Variants in DHX15 observed in about 807,000 individuals in gnomAD.
DHX15 encodes ATP-dependent RNA helicase DHX15.
A neutral mutation model predicts 94.4 loss-of-function variants in DHX15; 11 were observed. The ratio of observed to expected loss-of-function variants is 0.12; its 90% CI spans 0.07 to 0.19. The LOEUF (loss-of-function observed/expected upper bound fraction) is 0.19, where lower values mean the gene tolerates loss of function less well. Among genes scored for constraint, DHX15 ranks in the 10% least tolerant of loss-of-function variants. The pLI is 1.00. For synonymous variants in DHX15, 338 were observed against 329.9 expected (o/e 1.02, Z -0.27); for missense variants, 304 against 988.5 (o/e 0.31, Z 9.29).
chr4:24,580,188 A>G lies in DHX15; in HGVS notation c.72-3510T>C, dbSNP rs565992143. The stretch of plus-strand genomic sequence containing the variant: ...TTTGGGAGGCCCAAGTGGGAGGATC[A>G]CCAGAGGCCAAAAGTTTGAGACCAG... On this transcript the variant is annotated intron_variant, in intron 1 of 13. Transcript: ENST00000336812. Among the ~76,000 whole-genome samples the G allele has an allele frequency of 2.6e-5, 4 of 152,326 alleles. No individual in the cohort carries two copies. The South Asian group carries it at 8.3e-4, about 32-fold the overall frequency.
Position 24,553,940 on chromosome 4 carries a change from C to T in DHX15, c.1080+785G>A, listed in dbSNP as rs184677064. Among the ~76,000 whole-genome samples the T allele has an allele frequency of 7.9e-5, 12 of 152,256 alleles. No individual in the cohort carries two copies. The East Asian group carries it at 9.7e-4, about 12-fold the overall frequency. On this transcript the variant is annotated intron_variant, in intron 5 of 13. Coordinates refer to ENST00000336812, the MANE Select transcript of DHX15 (RefSeq NM_001358.3). ...GAAGCTTAGAAACGCTACATCTGGC[C>T]GGGTGCGATGGCTCACGCCTGTAAT...
rs756504540 is a variant in DHX15, at chr4:24,576,476, T to G, written c.274A>C (p.Thr92Pro). ...GAATGAGCAGAATGTGTTGAATGCGTTGAATGTGCTGAGTGGGTTGAGTGA... is the reference window on the plus strand; with the variant it reads ...GAATGAGCAGAATGTGTTGAATGCGGTGAATGTGCTGAGTGGGTTGAGTGA... ...SAHSTHSAHSTHSTHSAHSTH... is the reference protein window; with the variant it reads ...SAHSTHSAHSPHSTHSAHSTH... Residue 92 changes from threonine (T) to proline (P), a missense_variant, in exon 2 of 14, where the codon ACG (threonine) becomes CCG (proline). Transcript: ENST00000336812. 6.2e-7 allele frequency: 1 copy of G among 1,614,198 alleles called. No homozygotes were observed. Among genetic ancestry groups the G allele is most frequent in the Non-Finnish European group, 8.5e-7 (1 of 1,180,026 alleles).
chr4:24,533,255 C>T (rs1218217491), intron 11 of DHX15: 1 of 584,682 alleles, frequency 1.7e-6, no homozygotes, highest in Non-Finnish European at 3.0e-6. Flanking sequence ...GAAACAGTAA[C>T]AAGGCTTTTG....
rs1721131238 is a variant in DHX15, at chr4:24,533,437, A to G, written c.1910-383T>C. On this transcript the variant is annotated intron_variant, in intron 11 of 13. Transcript: ENST00000336812. ...TTCAATGAAACTACAGCTTTAGATT[A>G]AGATAACTGCAAACAATTGTTGTGT... 1.2e-5 allele frequency: 3 copies of G among 254,550 alleles called. No homozygotes were observed. The South Asian group carries it at 1.6e-4, about 14-fold the overall frequency. The allele number at this position is 254,550 out of a possible 1,614,324, so 15.8% of individuals were successfully genotyped here.
chr4:24,576,092 TGAA>T lies in DHX15; in HGVS notation c.507+148_507+150del. The T allele has an allele frequency of 2.5e-5, 16 of 652,152 alleles. No homozygotes were observed. The South Asian group carries it at 3.2e-4, about 13-fold the overall frequency. 40.4% of individuals were successfully genotyped at this position (652,152 alleles called of 1,614,324 possible). A position where few individuals can be genotyped will look rare whatever the true frequency, so the allele number is the denominator to read the frequency against. ...GGTATTCTCTATAGGATTTCCACTC[TGAA>T]ATTCAGAGTGCCAATTAAACATCAA... On this transcript the variant is annotated intron_variant, in intron 2 of 13. Coordinates refer to ENST00000336812, the MANE Select transcript of DHX15 (RefSeq NM_001358.3).
intron 3 of DHX15, among the ~76,000 whole-genome samples, chr4:24,567,205 A>G (rs1260535393): frequency 1.3e-5 from 2 of 152,256 alleles, no homozygotes; most frequent in Non-Finnish European, 2.9e-5. Context: ...TTCTACGCTT[A>G]CAAGATTATC....
rs1722264580 is a variant in DHX15, at chr4:24,576,234, A to G, written c.507+9T>C. ...AATGAAATATGTACCATGGTATACAATAACTCACCTGTGTTGTTTTACCAG... is the reference window on the plus strand; with the variant it reads ...AATGAAATATGTACCATGGTATACAGTAACTCACCTGTGTTGTTTTACCAG... On this transcript the variant is annotated intron_variant, in intron 2 of 13. Coordinates refer to ENST00000336812, the MANE Select transcript of DHX15 (RefSeq NM_001358.3). The G allele has an allele frequency of 3.7e-6, 6 of 1,606,798 alleles. No homozygotes were observed. The East Asian group carries it at 6.7e-5, about 18-fold the overall frequency.
intron 8 of DHX15, 146 bp from the exon 9 acceptor site, chr4:24,541,094 G>A (rs1577334944): frequency 1.2e-5 from 6 of 494,260 alleles, no homozygotes; most frequent in Non-Finnish European, 2.2e-5. Context: ...TTGTAGGCTA[G>A]ACTAGAGAGA....
intron 1 of DHX15, among the ~76,000 whole-genome samples, chr4:24,583,698 C>T (rs1377032321): frequency 6.6e-6 from 1 of 152,142 alleles, no homozygotes; most frequent in East Asian, 1.9e-4. Context: ...AGGTATATTA[C>T]TCCACGTTTT....
At chr4:24,529,019 A>C (rs1488868510) in intron 13 of DHX15, among the ~76,000 whole-genome samples, 1 of 150,862 alleles carries the variant, frequency 6.6e-6, no homozygotes. Flanking sequence ...ATTAAAAAAA[A>C]ACCCTTTTTT....
At chr4:24,558,204 G>C (rs926817288) in intron 3 of DHX15, among the ~76,000 whole-genome samples, 4 of 152,104 alleles carry the variant, frequency 2.6e-5, no homozygotes, top group African/African-American at 4.8e-5. Flanking sequence ...TGTACAGCTA[G>C]ATCGAGTTCA....
intron 11 of DHX15, among the ~76,000 whole-genome samples, chr4:24,535,028 TTAAC>T (rs1054429193): frequency 7.2e-5 from 11 of 152,084 alleles, no homozygotes; most frequent in Admixed American, 2.0e-4. Flanking sequence ...ATCCTCACCT[TTAAC>T]TAATAAGGAC....
At chr4:24,549,156 A>T (rs1721530632) in intron 5 of DHX15, 134 bp from the exon 6 acceptor site, 5 of 661,696 alleles carry the variant, frequency 7.6e-6, no homozygotes, top group Non-Finnish European at 1.1e-5. Flanking sequence ...TCAATTTAGT[A>T]ACCAAAACTA....
intron 2 of DHX15, among the ~76,000 whole-genome samples, chr4:24,574,622 TG>T: frequency 6.6e-6 from 1 of 152,318 alleles, no homozygotes; most frequent in East Asian, 1.9e-4. Context: ...TTTTAAATAT[TG>T]AGCCCACCAA....
At chr4:24,529,014 AAAAAAAC>A (rs1721024240) in intron 13 of DHX15, among the ~76,000 whole-genome samples, 2 of 143,392 alleles carry the variant, frequency 1.4e-5, no homozygotes, top group Admixed American at 1.4e-4. Context: ...AAAAAATTAA[AAAAAAAC>A]CCTTTTTTAA....
chr4:24,578,054 T>C (rs1722314650), intron 1 of DHX15, among the ~76,000 whole-genome samples: 1 of 152,184 alleles, frequency 6.6e-6, no homozygotes, highest in African/African-American at 2.4e-5. Context: ...TATATAAACA[T>C]GAAAAGTGAT....
intron 5 of DHX15, among the ~76,000 whole-genome samples, chr4:24,552,857 G>A (rs936649804): frequency 1.1e-4 from 16 of 152,092 alleles, no homozygotes; most frequent in African/African-American, 3.1e-4. Context: ...AAAACCCTTC[G>A]GCTTACTCCC....
At chr4:24,532,225 T>C (rs951247872) in intron 12 of DHX15, among the ~76,000 whole-genome samples, 7 of 152,376 alleles carry the variant, frequency 4.6e-5, no homozygotes, top group Admixed American at 1.3e-4. Context: ...CACAGCATAC[T>C]TAAACTAAAT....
intron 2 of DHX15, among the ~76,000 whole-genome samples, chr4:24,575,545 T>TTTTAATA (rs1449853190): frequency 2.0e-5 from 3 of 152,212 alleles, no homozygotes; most frequent in Admixed American, 2.0e-4. Flanking sequence ...GTTTCCCACG[T>TTTTAATA]GTTCTCCTAC....
Sources: gnomAD v4.1 joint callset for allele counts (sites outside exome capture counted in the v4.1 genomes callset) on GRCh38, gnomAD v4.1.1 for gene constraint, MANE v1.5 for transcripts, NCBI Gene and HGNC (gene_info 2026-07-23, HGNC 2026-07-21) for gene names.